Variants in CDH5 observed in about 807,000 individuals in gnomAD.
CDH5 encodes the protein cadherin-5.
Under a neutral mutation model 62.0 loss-of-function variants are expected in CDH5, and 28 were observed. The ratio of observed to expected loss-of-function variants is 0.45; its 90% CI spans 0.33 to 0.62. CDH5 has a LOEUF of 0.62. CDH5 is among the 20% of genes least tolerant of loss of function. The pLI, the probability that CDH5 is intolerant of heterozygous loss-of-function variation, is 0.02. For synonymous variants in CDH5, 464 were observed against 445.8 expected (o/e 1.04, Z -0.52); for missense variants, 940 against 1,065.1 (o/e 0.88, Z 1.63).
intron 7 of CDH5, among the ~76,000 whole-genome samples, chr16:66,394,707 T>A (rs1961144311): frequency 2.0e-5 from 3 of 152,174 alleles, no homozygotes; most frequent in Non-Finnish European, 4.4e-5. Flanking sequence ...CACACACCCA[T>A]TGCTTTTCTA....
rs750004279 is a variant in CDH5, at chr16:66,403,195, G to C, written c.*26G>C. ...GCGGCCGAGGTCACTCTGGGCCTGGGGACCCAAACCCCCTGCAGCCCAGGC... is the reference window on the plus strand; with the variant it reads ...GCGGCCGAGGTCACTCTGGGCCTGGCGACCCAAACCCCCTGCAGCCCAGGC... On this transcript the variant is annotated 3_prime_UTR_variant, in exon 12 of 12. Coordinates refer to ENST00000341529, the MANE Select transcript of CDH5 (RefSeq NM_001795.5). This position sits in a 1 kb window ranked among gnomAD's most constrained non-coding sequence, Gnocchi z 4.3. 6.3e-7 allele frequency: 1 copy of C among 1,586,162 alleles called. No homozygotes were observed. The highest frequency in any genetic ancestry group is 8.6e-7 in the Non-Finnish European group (1 of 1,168,022).
chr16:66,389,170 A>C (rs138216956), intron 4 of CDH5, among the ~76,000 whole-genome samples, 188 bp from the exon 5 acceptor site: 30 of 152,308 alleles, frequency 2.0e-4, no homozygotes, highest in African/African-American at 7.2e-4. Context: ...GAACCCAACT[A>C]TTGGGCCAGC....
intron 2 of CDH5, among the ~76,000 whole-genome samples, chr16:66,381,943 G>A (rs1476654231): frequency 5.9e-5 from 9 of 152,360 alleles, no homozygotes; most frequent in Admixed American, 4.6e-4. Context: ...CTGGTCTAGA[G>A]GGGCAGCATA....
Position 66,403,281 on chromosome 16 carries a change from C to A in CDH5, c.*112C>A. On this transcript the variant is annotated 3_prime_UTR_variant, in exon 12 of 12. Coordinates refer to ENST00000341529, the MANE Select transcript of CDH5 (RefSeq NM_001795.5). The surrounding 1 kb of genome is among the most constrained non-coding windows in gnomAD (Gnocchi z 4.3). ...GCAGTGACTCCCCAGCCCAGCACCCCTTCCTCGTGGGTCCCAGAGACCTCA... is the reference window on the plus strand; with the variant it reads ...GCAGTGACTCCCCAGCCCAGCACCCATTCCTCGTGGGTCCCAGAGACCTCA... 1 of 960,256 alleles carries A rather than the reference C, an allele frequency of 1.0e-6. No individual in the cohort carries two copies. The allele number at this position is 960,256 out of a possible 1,614,324, so 59.5% of individuals were successfully genotyped here. A position where few individuals can be genotyped will look rare whatever the true frequency, so the allele number is the denominator to read the frequency against.
intron 2 of CDH5, among the ~76,000 whole-genome samples, chr16:66,381,592 G>A (rs1039299425): frequency 2.0e-5 from 3 of 152,158 alleles, no homozygotes; most frequent in Non-Finnish European, 4.4e-5. Context: ...GTGCAAAAAA[G>A]AACATGTCAA....
intron 10 of CDH5, among the ~76,000 whole-genome samples, chr16:66,399,757 G>C (rs183647190): frequency 2.0e-4 from 31 of 152,340 alleles, no homozygotes; most frequent in Admixed American, 5.9e-4. Flanking sequence ...AGGCAAGTCT[G>C]TTGGTGTCAA....
At chr16:66,394,218 T>C (rs1236263597) in intron 7 of CDH5, among the ~76,000 whole-genome samples, 1 of 152,246 alleles carries the variant, frequency 6.6e-6, no homozygotes, top group Admixed American at 6.5e-5. Context: ...CAAATGTAAT[T>C]AGCCAATTTG....
intron 7 of CDH5, chr16:66,395,352 C>T (rs1311266709): frequency 6.7e-6 from 1 of 149,174 alleles, no homozygotes; most frequent in African/African-American, 2.5e-5. Context: ...TCTGTCTGGA[C>T]TCTTTTCAGT....
chr16:66,394,248 C>T (rs1038003920), intron 7 of CDH5, among the ~76,000 whole-genome samples: 5 of 152,120 alleles, frequency 3.3e-5, no homozygotes, highest in Admixed American at 2.6e-4. Context: ...AATATTTTGC[C>T]TTTAATTCTG....
Position 66,403,103 on chromosome 16 carries a change from G to A in CDH5, c.2289G>A (p.Trp763Ter). 1.2e-6 allele frequency: 2 copies of A among 1,613,706 alleles called. No homozygotes were observed. Among genetic ancestry groups the A allele is most frequent in the East Asian group, 2.2e-5 (1 of 44,852 alleles). The change falls in exon 12 of 12, where the codon TGG (tryptophan) becomes TGA (stop). Residue 763 changes from tryptophan to a stop codon, truncating the protein, a stop_gained. Transcript: ENST00000341529. LOFTEE classifies it high-confidence loss of function. The surrounding 1 kb of genome is among the most constrained non-coding windows in gnomAD (Gnocchi z 4.3). ...TGGATTACGACTTCCTTAACGACTG[G>A]GGACCCAGGTTTAAGATGCTGGCTG... Reference protein sequence around the residue: ...SDVDYDFLNDWGPRFKMLAEL... With the variant: ...SDVDYDFLND
chr16:66,390,805 TG>T (rs1961071323), intron 6 of CDH5, among the ~76,000 whole-genome samples: 1 of 152,166 alleles, frequency 6.6e-6, no homozygotes, highest in Non-Finnish European at 1.5e-5. Flanking sequence ...ATTGTTTATC[TG>T]GGAGGTGATC....
At position 66,403,887 on chromosome 16, in the gene CDH5, G is replaced by C. The variant is rs1174004036; in HGVS notation, c.*718G>C. On this transcript the variant is annotated 3_prime_UTR_variant, in exon 12 of 12. Coordinates refer to ENST00000341529, the MANE Select transcript of CDH5 (RefSeq NM_001795.5). The surrounding 1 kb of genome is among the most constrained non-coding windows in gnomAD (Gnocchi z 4.3). The stretch of plus-strand genomic sequence containing the variant: ...TGGCTTATTAAACTTTGAAGCAACT[G>C]TGAATTCATTCTGGAGGGGCAGTGG... 6.5e-6 allele frequency: 1 copy of C among 153,056 alleles called. No homozygotes were observed. The highest frequency in any genetic ancestry group is 1.5e-5 in the Non-Finnish European group (1 of 68,368). The allele number at this position is 153,056 out of a possible 1,614,324, so 9.5% of individuals were successfully genotyped here.
intron 5 of CDH5, 71 bp downstream of exon 5, chr16:66,389,593 G>A: frequency 7.6e-7 from 1 of 1,322,110 alleles, no homozygotes; most frequent in Non-Finnish European, 1.0e-6. Flanking sequence ...GGGGCTCTGG[G>A]AAAAGAGTTA....
rs146619714 is a variant in CDH5, at chr16:66,391,881, T to C, written c.970-255T>C. Among the ~76,000 whole-genome samples the C allele has an allele frequency of 3.4e-3, 516 of 152,282 alleles. 1 individual carries two copies. The highest frequency in any genetic ancestry group is 0.011 in the African/African-American group (445 of 41,566). On this transcript the variant is annotated intron_variant, in intron 6 of 11. Coordinates refer to ENST00000341529, the MANE Select transcript of CDH5 (RefSeq NM_001795.5). ...CATTCTATGTCCCAAACGCTGGAAA[T>C]AGGGCCAGGCACACAGCCAGGGTTG...
chr16:66,395,953 G>A, intron 7 of CDH5, 106 bp from the exon 8 acceptor site: 1 of 1,131,734 alleles, frequency 8.8e-7, no homozygotes, highest in South Asian at 1.5e-5. Flanking sequence ...GAGGGGCATG[G>A]AGTGGGATGC....
chr16:66,391,811 G>C (rs1034866588), intron 6 of CDH5, among the ~76,000 whole-genome samples: 7 of 152,162 alleles, frequency 4.6e-5, no homozygotes, highest in Non-Finnish European at 1.0e-4. Context: ...GGACCTGTGG[G>C]TAGAACCACT....
At position 66,389,630 on chromosome 16, in the gene CDH5, C is replaced by T. The variant is rs1056895383; in HGVS notation, c.781+108C>T. 9.5e-6 allele frequency: 9 copies of T among 947,930 alleles called. No homozygotes were observed. The African/African-American group carries it at 1.0e-4, about 11-fold the overall frequency. 58.7% of individuals were successfully genotyped at this position (947,930 alleles called of 1,614,324 possible). A position where few individuals can be genotyped will look rare whatever the true frequency, so the allele number is the denominator to read the frequency against. On this transcript the variant is annotated intron_variant, in intron 5 of 11. Transcript: ENST00000341529. ...AAATCACTTTACCTCTCCCTCTATC[C>T]CAGGGTAGGCCTGATGCCCAAAGGA...
At chr16:66,371,539 G>A (rs902313368) in intron 1 of CDH5, among the ~76,000 whole-genome samples, 1 of 152,196 alleles carries the variant, frequency 6.6e-6, no homozygotes. Flanking sequence ...GCCTGGGCAG[G>A]TGCCTGTGGT....
chr16:66,403,288 G>T lies in CDH5; in HGVS notation c.*119G>T. 1 of 880,914 alleles carries T rather than the reference G, an allele frequency of 1.1e-6. No homozygotes were observed. The highest frequency in any genetic ancestry group is 1.7e-6 in the Non-Finnish European group (1 of 583,880). 54.6% of individuals were successfully genotyped at this position (880,914 alleles called of 1,614,324 possible). ...CTCCCCAGCCCAGCACCCCTTCCTC[G>T]TGGGTCCCAGAGACCTCATCAGCCT... On this transcript the variant is annotated 3_prime_UTR_variant, in exon 12 of 12. Transcript: ENST00000341529. The surrounding 1 kb of genome is among the most constrained non-coding windows in gnomAD (Gnocchi z 4.3).
Sources: allele counts gnomAD v4.1 joint callset (sites outside exome capture counted in the v4.1 genomes callset), GRCh38; gene constraint gnomAD v4.1.1; non-coding constraint Gnocchi (gnomAD v3.1); transcripts MANE v1.5; gene names NCBI Gene and HGNC (gene_info 2026-07-23, HGNC 2026-07-21).